FAM110B: variants seen among roughly 807,000 people sequenced by gnomAD.
FAM110B encodes the protein protein FAM110B.
Under a neutral mutation model 20.4 loss-of-function variants are expected in FAM110B, and 6 were observed. That is an observed-to-expected ratio of 0.29 (90% confidence interval 0.16 to 0.58). FAM110B has a LOEUF of 0.58. Ranked by LOEUF, FAM110B falls within the 20% of genes least tolerant of loss-of-function variation. The probability of loss-of-function intolerance (pLI) is 0.90; values close to 1 mark genes in which losing one functional copy is unlikely to be tolerated. For synonymous variants in FAM110B, 226 were observed against 214.1 expected, an observed-to-expected ratio of 1.06 and a Z score of -0.49; for missense variants, 434 against 498.2, an observed-to-expected ratio of 0.87 and a Z score of 1.23.
intron 2 of FAM110B, among the ~76,000 whole-genome samples, chr8:58,057,855 G>A (rs1805578774): frequency 6.6e-6 from 1 of 152,246 alleles, no homozygotes; most frequent in Non-Finnish European, 1.5e-5. Context: ...GCTCAGTAAA[G>A]GTTAGCTATT....
rs978289393 is a variant in FAM110B at position 58,039,752 on chromosome 8, C to A, written c.-414+8049C>A. Among the ~76,000 whole-genome samples the A allele has an allele frequency of 3.9e-5, 6 of 152,118 alleles. No homozygotes were observed. In the South Asian group the frequency reaches 1.2e-3, roughly 32 times the overall value. On this transcript the variant is annotated intron_variant, in intron 2 of 3. Coordinates refer to ENST00000519262, the MANE Select transcript of FAM110B (RefSeq NM_001377989.1). ...CACTTCTTATATATATTTAAACATA[C>A]ACACACACATACACACACATTAGAG...
At chr8:58,131,355 T>C (rs1347405134) in intron 3 of FAM110B, among the ~76,000 whole-genome samples, 1 of 152,074 alleles carries the variant, frequency 6.6e-6, no homozygotes, top group Non-Finnish European at 1.5e-5. Context: ...GTCTCAAGCA[T>C]TCCTCTTGCC....
At chr8:58,031,211 T>C (rs2150572861) in intron 1 of FAM110B, 1 of 152,354 alleles carries the variant, frequency 6.6e-6, no homozygotes, top group Non-Finnish European at 1.5e-5. Context: ...ACAGTGTAGC[T>C]GTTTTCCTAG....
At chr8:58,041,181 TC>T (rs1460940664) in intron 2 of FAM110B, among the ~76,000 whole-genome samples, 1 of 151,872 alleles carries the variant, frequency 6.6e-6, no homozygotes, top group African/African-American at 2.4e-5. Context: ...CCTCAGATGA[TC>T]CCCCACCTCA....
chr8:58,047,624 C>CTA (rs1252943503), intron 2 of FAM110B, among the ~76,000 whole-genome samples: 2 of 150,060 alleles, frequency 1.3e-5, no homozygotes, highest in Non-Finnish European at 3.0e-5. Context: ...CTCTCTCTCT[C>CTA]TCTCTCTCTC....
intron 3 of FAM110B, among the ~76,000 whole-genome samples, chr8:58,124,599 A>G (rs57552754): frequency 2.2e-4 from 34 of 152,346 alleles, no homozygotes; most frequent in African/African-American, 8.2e-4. Context: ...GGCGCATCCT[A>G]AATATGCCTG....
intron 3 of FAM110B, among the ~76,000 whole-genome samples, chr8:58,138,497 C>G (rs1585918579): frequency 6.6e-6 from 1 of 152,200 alleles, no homozygotes; most frequent in East Asian, 1.9e-4. Context: ...CCAGGCTCCT[C>G]AGCTCCAAGG....
chr8:58,124,267 AG>A (rs1358945185), intron 3 of FAM110B, among the ~76,000 whole-genome samples: 2 of 152,210 alleles, frequency 1.3e-5, no homozygotes, highest in African/African-American at 2.4e-5. Context: ...TTTGTACTAG[AG>A]GGAGCTCTTC....
intron 1 of FAM110B, among the ~76,000 whole-genome samples, chr8:58,014,810 ATTATC>A (rs1190796642): frequency 6.9e-6 from 1 of 144,494 alleles, no homozygotes; most frequent in Non-Finnish European, 1.5e-5. Flanking sequence ...AAGCAAACCT[ATTATC>A]TTTATTTTTA....
chr8:58,129,111 C>T (rs979307748), intron 3 of FAM110B, among the ~76,000 whole-genome samples: 9 of 152,176 alleles, frequency 5.9e-5, no homozygotes, highest in African/African-American at 2.2e-4. Context: ...GAGAAACATT[C>T]AACATCTTCC....
chr8:57,995,786 C>G (rs1804173333), intron 1 of FAM110B, among the ~76,000 whole-genome samples: 1 of 152,204 alleles, frequency 6.6e-6, no homozygotes, highest in African/African-American at 2.4e-5. Flanking sequence ...GCTTTCTTTC[C>G]TGCCTAAAAA....
At chr8:58,004,682 T>C (rs577658497) in intron 1 of FAM110B, among the ~76,000 whole-genome samples, 3 of 152,288 alleles carry the variant, frequency 2.0e-5, no homozygotes, top group South Asian at 2.1e-4. Context: ...GAAGCGGAGA[T>C]TGCAGTGAGC....
chr8:58,024,775 G>A (rs1256268861), intron 1 of FAM110B, among the ~76,000 whole-genome samples: 2 of 152,178 alleles, frequency 1.3e-5, no homozygotes, highest in Non-Finnish European at 2.9e-5. Context: ...CAGACCAGGA[G>A]GTTAAGTTAG....
chr8:58,082,138 G>A (rs933490801), intron 3 of FAM110B, among the ~76,000 whole-genome samples: 10 of 152,272 alleles, frequency 6.6e-5, no homozygotes, highest in South Asian at 2.1e-4. Context: ...CAGCATCAGC[G>A]CTATTCTATG....
chr8:58,063,676 T>C (rs1805701938), intron 2 of FAM110B, among the ~76,000 whole-genome samples: 1 of 152,226 alleles, frequency 6.6e-6, no homozygotes, highest in South Asian at 2.1e-4. Context: ...TCTACCTGTA[T>C]ACATTGATTT....
chr8:58,006,574 G>A (rs1195816149), intron 1 of FAM110B, among the ~76,000 whole-genome samples: 1 of 151,222 alleles, frequency 6.6e-6, no homozygotes, highest in Non-Finnish European at 1.5e-5. Context: ...GGACATTTCA[G>A]TATTAGGACC....
chr8:58,095,271 C>G (rs1411744773), intron 3 of FAM110B, among the ~76,000 whole-genome samples: 1 of 151,940 alleles, frequency 6.6e-6, no homozygotes, highest in African/African-American at 2.4e-5. Context: ...TATTTTTTGT[C>G]TTCTGCTAGC....
intron 3 of FAM110B, chr8:58,100,783 T>A (rs1585886630): frequency 6.6e-6 from 1 of 152,228 alleles, no homozygotes; most frequent in East Asian, 1.9e-4. Context: ...ATGGAGAATG[T>A]TATAGTACAA....
At chr8:58,115,481 C>T (rs1048821172) in intron 3 of FAM110B, among the ~76,000 whole-genome samples, 1 of 151,692 alleles carries the variant, frequency 6.6e-6, no homozygotes, top group Non-Finnish European at 1.5e-5. Context: ...GCAACCTCCT[C>T]CTCCTGGGTT....
Sources: allele counts gnomAD v4.1 joint callset (sites outside exome capture counted in the v4.1 genomes callset), GRCh38; gene constraint gnomAD v4.1.1; transcripts MANE v1.5; gene names NCBI Gene and HGNC (gene_info 2026-07-23, HGNC 2026-07-21).